MAGI3: variants seen among roughly 807,000 people sequenced by gnomAD.
The protein encoded by MAGI3 is membrane-associated guanylate kinase, WW and PDZ domain-containing protein 3.
Under a neutral mutation model 121.8 loss-of-function variants are expected in MAGI3, and 43 were observed. The ratio of observed to expected loss-of-function variants is 0.35; its 90% CI spans 0.28 to 0.46. The LOEUF (loss-of-function observed/expected upper bound fraction) is 0.46, where lower values mean the gene tolerates loss of function less well. MAGI3 is among the 20% of genes least tolerant of loss of function. MAGI3 has a pLI of 1.00. For missense variants in MAGI3, 1,547 were observed against 1,797.3 expected, an observed-to-expected ratio of 0.86 and a Z score of 2.52; for synonymous variants, 553 against 639.3, an observed-to-expected ratio of 0.86 and a Z score of 2.04.
intron 9 of MAGI3, among the ~76,000 whole-genome samples, chr1:113,635,920 T>C (rs1412376072): frequency 7.9e-5 from 12 of 152,310 alleles, no homozygotes; most frequent in African/African-American, 1.2e-4. Context: ...TATTCGTCTA[T>C]TCAGAGATTC....
At chr1:113,476,499 C>A (rs1008582769) in intron 1 of MAGI3, among the ~76,000 whole-genome samples, 22 of 152,272 alleles carry the variant, frequency 1.4e-4, no homozygotes, top group African/African-American at 3.6e-4. Flanking sequence ...CATTCAGGAG[C>A]AAGTTGTTCA....
At position 113,649,326 on chromosome 1, in the gene MAGI3, T is replaced by TC; in HGVS notation, c.2246dup (p.Ile750TyrfsTer13). Reference sequence around the variant, plus strand: ...GCTAGGAGGAGATGGACCTGACCAGTCTGTAAGTGTCACTTCTTTGGAACA... The same window carrying TC: ...GCTAGGAGGAGATGGACCTGACCAGTCCTGTAAGTGTCACTTCTTTGGAACA... On this transcript the variant is annotated frameshift_variant and splice_region_variant, in exon 13 of 21. Transcript: ENST00000307546. LOFTEE classifies it high-confidence loss of function. 6.3e-7 allele frequency: 1 copy of TC among 1,597,286 alleles called. No individual in the cohort carries two copies. Among genetic ancestry groups the TC allele is most frequent in the Non-Finnish European group, 8.5e-7 (1 of 1,171,282 alleles).
At chr1:113,608,115 C>A (rs995889253) in intron 6 of MAGI3, among the ~76,000 whole-genome samples, 2 of 152,028 alleles carry the variant, frequency 1.3e-5, no homozygotes, top group African/African-American at 4.8e-5. Flanking sequence ...TCTCTTGTAG[C>A]AGTTATATTG....
At chr1:113,616,631 T>C (rs1650486801) in intron 7 of MAGI3, among the ~76,000 whole-genome samples, 2 of 152,236 alleles carry the variant, frequency 1.3e-5, no homozygotes. Flanking sequence ...TCCAAAAATG[T>C]AATATGCTTA....
chr1:113,429,261 C>A (rs1489931923), intron 1 of MAGI3, among the ~76,000 whole-genome samples: 1 of 152,174 alleles, frequency 6.6e-6, no homozygotes, highest in Non-Finnish European at 1.5e-5. Flanking sequence ...AACAAGAAAT[C>A]CAAAGTGATA....
chr1:113,609,441 G>C (rs1377556580), intron 6 of MAGI3, among the ~76,000 whole-genome samples: 1 of 152,152 alleles, frequency 6.6e-6, no homozygotes, highest in Non-Finnish European at 1.5e-5. Flanking sequence ...AGCTTGAACA[G>C]CTTGGTTTAA....
chr1:113,420,459 C>G (rs905088648), intron 1 of MAGI3, among the ~76,000 whole-genome samples: 1 of 152,152 alleles, frequency 6.6e-6, no homozygotes, highest in Non-Finnish European at 1.5e-5. Context: ...CTTAGACAAT[C>G]AAACCTACTT....
intron 2 of MAGI3, among the ~76,000 whole-genome samples, chr1:113,550,227 G>A (rs1280594042): frequency 2.0e-5 from 3 of 150,610 alleles, no homozygotes; most frequent in African/African-American, 7.3e-5. Context: ...TAGCTAACAC[G>A]GTGAAACCCC....
At chr1:113,494,894 T>C (rs1162143194) in intron 1 of MAGI3, among the ~76,000 whole-genome samples, 1 of 152,216 alleles carries the variant, frequency 6.6e-6, no homozygotes, top group Non-Finnish European at 1.5e-5. Flanking sequence ...TTTGTTTACT[T>C]GTTTTTGTTA....
intron 1 of MAGI3, among the ~76,000 whole-genome samples, chr1:113,442,681 C>CAT (rs780403000): frequency 3.5e-4 from 53 of 150,978 alleles, no homozygotes; most frequent in East Asian, 9.7e-4. Context: ...ATATATCATA[C>CAT]ATATATATAT....
At chr1:113,522,452 G>A (rs953364915) in intron 1 of MAGI3, among the ~76,000 whole-genome samples, 6 of 152,090 alleles carry the variant, frequency 3.9e-5, no homozygotes, top group Admixed American at 1.3e-4. Context: ...TTTGTCTTCT[G>A]TCCTCTCAGA....
At chr1:113,624,040 A>G (rs1284317346) in intron 9 of MAGI3, among the ~76,000 whole-genome samples, 2 of 152,168 alleles carry the variant, frequency 1.3e-5, no homozygotes, top group East Asian at 1.9e-4. Flanking sequence ...ACAAGATCTC[A>G]TTCTTTTTAT....
chr1:113,561,080 C>T (rs1660215709), intron 2 of MAGI3, among the ~76,000 whole-genome samples: 2 of 152,034 alleles, frequency 1.3e-5, no homozygotes, highest in Non-Finnish European at 1.5e-5. Flanking sequence ...AAATTGATTC[C>T]CTGAAGAGAC....
chr1:113,588,480 A>C (rs1365930082), intron 4 of MAGI3, among the ~76,000 whole-genome samples: 1 of 152,164 alleles, frequency 6.6e-6, no homozygotes, highest in Non-Finnish European at 1.5e-5. Flanking sequence ...TCATTGGAAG[A>C]ATTTTGATTT....
At chr1:113,515,318 C>A (rs1657837781) in intron 1 of MAGI3, among the ~76,000 whole-genome samples, 1 of 152,070 alleles carries the variant, frequency 6.6e-6, no homozygotes, top group Admixed American at 6.6e-5. Flanking sequence ...AAACTAGTAG[C>A]ATGGCTTGAT....
intron 14 of MAGI3, among the ~76,000 whole-genome samples, chr1:113,652,751 G>A (rs1333226890): frequency 6.6e-6 from 1 of 152,100 alleles, no homozygotes; most frequent in Non-Finnish European, 1.5e-5. Flanking sequence ...GCAGTGTGTT[G>A]TGGTTATTAT....
chr1:113,684,151 C>T lies in MAGI3; in HGVS notation c.*137C>T. 1 of 998,410 alleles carries T rather than the reference C, an allele frequency of 1.0e-6. No homozygotes were observed. 61.8% of individuals were successfully genotyped at this position (998,410 alleles called of 1,614,324 possible). ...TAATGTGAGCCTCAAGTTACCTAGGCTGCATGAAGGGCCTTTAGGATTGCT... is the reference window on the plus strand; with the variant it reads ...TAATGTGAGCCTCAAGTTACCTAGGTTGCATGAAGGGCCTTTAGGATTGCT... On this transcript the variant is annotated 3_prime_UTR_variant, in exon 21 of 21. Coordinates refer to ENST00000307546, the MANE Select transcript of MAGI3 (RefSeq NM_001142782.2).
At chr1:113,679,857 C>T (rs1648107919) in intron 19 of MAGI3, among the ~76,000 whole-genome samples, 1 of 152,098 alleles carries the variant, frequency 6.6e-6, no homozygotes, top group Non-Finnish European at 1.5e-5. Context: ...AGGCATGCGC[C>T]ACCACACCTG....
chr1:113,550,133 G>A lies in MAGI3; in HGVS notation c.433+502G>A, dbSNP rs532859759. On this transcript the variant is annotated intron_variant, in intron 2 of 20. Transcript: ENST00000307546. ...TCTGTCTAAAAAAAAAAAAAAGGCC[G>A]GGCGCGGTGGCTCACACCTGTAATC... is the stretch of plus-strand genomic sequence containing the variant. 6.1e-4 allele frequency among the ~76,000 whole-genome samples: 90 copies of A among 148,162 alleles called. 1 individual carries two copies. Among genetic ancestry groups the A allele is most frequent in the Admixed American group, 5.6e-3 (83 of 14,808 alleles).
Sources: allele counts gnomAD v4.1 joint callset (sites outside exome capture counted in the v4.1 genomes callset), GRCh38; gene constraint gnomAD v4.1.1; transcripts MANE v1.5; gene names NCBI Gene and HGNC (gene_info 2026-07-23, HGNC 2026-07-21).